RANBP2: variants seen among roughly 807,000 people sequenced by gnomAD.
RANBP2 encodes E3 SUMO-protein ligase RanBP2.
RANBP2 carries 57 observed loss-of-function variants against 303.6 expected under a neutral mutation model. That is an observed-to-expected ratio of 0.19 (90% CI 0.15 to 0.23). RANBP2 has a LOEUF of 0.23. Among genes scored for constraint, RANBP2 ranks in the 10% least tolerant of loss-of-function variants. The pLI, the probability that RANBP2 is intolerant of heterozygous loss-of-function variation, is 1.00. For missense variants in RANBP2, 3,138 were observed against 3,780.8 expected (o/e 0.83, Z 4.46); for synonymous variants, 1,167 against 1,301.5 (o/e 0.90, Z 2.23).
the RANBP2 span, among the ~76,000 whole-genome samples, chr2:109,140,526 G>A: frequency 5.9e-5 from 9 of 151,926 alleles, no homozygotes; most frequent in African/African-American, 9.7e-5. Context: ...GACTACAGGC[G>A]CCCACCACCA....
chr2:109,502,201 C>A, the RANBP2 span: 1 of 152,424 alleles, frequency 6.6e-6, no homozygotes, highest in African/African-American at 2.4e-5. Context: ...CTGGGGGTGC[C>A]CCGGAAGGGG....
chr2:109,393,520 GA>G, the RANBP2 span, among the ~76,000 whole-genome samples: 2 of 152,278 alleles, frequency 1.3e-5, no homozygotes, highest in South Asian at 4.1e-4. Flanking sequence ...CAGAGCCCAG[GA>G]CACAGTAGGT....
chr2:109,078,098 A>ATATATATATAGAGTG, the RANBP2 span, among the ~76,000 whole-genome samples: 4 of 60,056 alleles, frequency 6.7e-5, no homozygotes, highest in Admixed American at 3.8e-4. Context: ...ATATATATAT[A>ATATATATATAGAGTG]TATATATATA....
chr2:109,194,819 T>G, the RANBP2 span, among the ~76,000 whole-genome samples: 2 of 152,072 alleles, frequency 1.3e-5, no homozygotes, highest in African/African-American at 4.8e-5. Flanking sequence ...ACGAAAAGAT[T>G]GAGAAGCTTA....
chr2:108,942,046 G>T, the RANBP2 span, among the ~76,000 whole-genome samples: 1 of 152,246 alleles, frequency 6.6e-6, no homozygotes, highest in African/African-American at 2.4e-5. Flanking sequence ...GAGAAAGTTC[G>T]CTGGGCTTCT....
chr2:108,786,587 C>T (rs1678760266), downstream of RANBP2, among the ~76,000 whole-genome samples: 2 of 151,880 alleles, frequency 1.3e-5, no homozygotes, highest in South Asian at 2.1e-4. Flanking sequence ...GCAGGACTAT[C>T]GCGGGGAGAT....
chr2:108,814,482 A>G, the RANBP2 span, among the ~76,000 whole-genome samples: 5 of 152,078 alleles, frequency 3.3e-5, no homozygotes, highest in African/African-American at 9.7e-5. Flanking sequence ...TTCTATTTGA[A>G]AAAAATTGAG....
the RANBP2 span, chr2:108,812,595 T>A: frequency 2.0e-6 from 3 of 1,473,586 alleles, no homozygotes; most frequent in African/African-American, 4.1e-5. Context: ...CAGTTGAAGG[T>A]GTATATTGAA....
At chr2:109,767,273 C>T in the RANBP2 span, among the ~76,000 whole-genome samples, 2 of 149,230 alleles carry the variant, frequency 1.3e-5, 1 homozygote, top group Non-Finnish European at 3.0e-5. Flanking sequence ...CGTTCTGTCC[C>T]TGGCAACAGG....
chr2:109,343,189 C>T, the RANBP2 span, among the ~76,000 whole-genome samples: 2 of 152,264 alleles, frequency 1.3e-5, no homozygotes, highest in Non-Finnish European at 2.9e-5. Context: ...CCCATAATAG[C>T]ATCTGCCTGC....
intron 25 of RANBP2, among the ~76,000 whole-genome samples, chr2:108,779,995 C>T (rs1239923148): frequency 6.6e-6 from 1 of 152,060 alleles, no homozygotes; most frequent in Non-Finnish European, 1.5e-5. Context: ...TACAAAATTT[C>T]AAGGTGGGTA....
the RANBP2 span, among the ~76,000 whole-genome samples, chr2:109,518,915 C>CTT: frequency 4.0e-3 from 447 of 110,846 alleles, 8 homozygotes; most frequent in African/African-American, 0.012. Flanking sequence ...TGCTACATAT[C>CTT]TTTTTTTTTT....
the RANBP2 span, among the ~76,000 whole-genome samples, chr2:109,673,631 AG>A: frequency 1.6e-4 from 25 of 152,318 alleles, no homozygotes; most frequent in African/African-American, 5.5e-4. Context: ...TGGGAGGCCA[AG>A]GCAGGTGGAT....
the RANBP2 span, among the ~76,000 whole-genome samples, chr2:108,940,875 C>T: frequency 2.0e-5 from 3 of 152,138 alleles, no homozygotes; most frequent in African/African-American, 4.8e-5. Flanking sequence ...AAACTAATCA[C>T]GTTTATTGAG....
chr2:109,168,073 A>G, the RANBP2 span, among the ~76,000 whole-genome samples: 2 of 152,218 alleles, frequency 1.3e-5, no homozygotes, highest in African/African-American at 2.4e-5. Flanking sequence ...CTAAAATGAA[A>G]TCATCCTACA....
the RANBP2 span, chr2:109,490,989 G>A: frequency 7.2e-7 from 1 of 1,388,614 alleles, no homozygotes; most frequent in Non-Finnish European, 9.4e-7. Flanking sequence ...GGCCTCTGAG[G>A]TCTGGAGCCA....
chr2:109,606,771 G>C, the RANBP2 span, among the ~76,000 whole-genome samples: 84 of 135,446 alleles, frequency 6.2e-4, no homozygotes, highest in Non-Finnish European at 1.1e-3. Context: ...CCTCCGTCTC[G>C]CAGGTTCAAG....
At chr2:109,622,850 G>A in the RANBP2 span, among the ~76,000 whole-genome samples, 5 of 152,132 alleles carry the variant, frequency 3.3e-5, no homozygotes, top group African/African-American at 9.7e-5. Context: ...TTTTGAGGCC[G>A]GGCACAGTGG....
chr2:108,869,424 G>C, the RANBP2 span, among the ~76,000 whole-genome samples: 1 of 152,130 alleles, frequency 6.6e-6, no homozygotes, highest in Admixed American at 6.5e-5. Context: ...CTATCAATGG[G>C]TTGCCCAAGA....
Sources: gnomAD v4.1 joint callset for allele counts (sites outside exome capture counted in the v4.1 genomes callset) on GRCh38, gnomAD v4.1.1 for gene constraint, MANE v1.5 for transcripts, NCBI Gene and HGNC (gene_info 2026-07-23, HGNC 2026-07-21) for gene names.